The following BATF variants were observed in gnomAD, a reference collection of about 807,000 sequenced individuals.
The protein encoded by BATF is basic leucine zipper transcriptional factor ATF-like.
Under a neutral mutation model 13.7 loss-of-function variants are expected in BATF, and 5 were observed. That is an observed-to-expected ratio of 0.36 (90% confidence interval 0.19 to 0.77). The LOEUF is 0.77. BATF is among the 30% of genes least tolerant of loss of function. The pLI is 0.51. For missense variants in BATF, 124 were observed against 163.0 expected (o/e 0.76, Z 1.30); for synonymous variants, 72 against 67.5 (o/e 1.07, Z -0.33).
chr14:75,522,663 G>C lies in BATF; in HGVS notation c.-20G>C. The C allele has an allele frequency of 6.2e-7, 1 of 1,614,072 alleles. No individual in the cohort carries two copies. The highest frequency in any genetic ancestry group is 8.5e-7 in the Non-Finnish European group (1 of 1,180,004). The stretch of plus-strand genomic sequence containing the variant: ...CAGAGGTGCCTGGGGCTGAGTGTGA[G>C]AGCCCGGAAGATTTCAGCCATGCCT... On this transcript the variant is annotated 5_prime_UTR_variant, in exon 1 of 3. Transcript: ENST00000286639.
chr14:75,522,894 C>A, intron 1 of BATF, 149 bp downstream of exon 1: 2 of 898,484 alleles, frequency 2.2e-6, no homozygotes, highest in Non-Finnish European at 3.5e-6. Context: ...ATGGAATTTG[C>A]TACTAAGCTG....
intron 2 of BATF, among the ~76,000 whole-genome samples, chr14:75,533,417 G>C (rs948453933): frequency 1.4e-5 from 2 of 140,476 alleles, no homozygotes; most frequent in South Asian, 4.5e-4. Flanking sequence ...AACAGAGTGA[G>C]ACTCCGTCTC....
chr14:75,537,775 T>G (rs1185818595), intron 2 of BATF, among the ~76,000 whole-genome samples: 2 of 151,942 alleles, frequency 1.3e-5, no homozygotes, highest in Non-Finnish European at 2.9e-5. Context: ...TTAAATTTTT[T>G]AATATTATAC....
At chr14:75,526,754 C>T (rs1411539018) in intron 2 of BATF, among the ~76,000 whole-genome samples, 1 of 152,170 alleles carries the variant, frequency 6.6e-6, no homozygotes, top group African/African-American at 2.4e-5. Flanking sequence ...TGTATGTTCT[C>T]CATGATTTCA....
intron 2 of BATF, among the ~76,000 whole-genome samples, chr14:75,534,280 A>G (rs573992282): frequency 6.6e-6 from 1 of 152,348 alleles, no homozygotes; most frequent in South Asian, 2.1e-4. Context: ...AGAGGCAATG[A>G]ACAGAAAGCT....
chr14:75,541,394 C>T (rs1887893066), intron 2 of BATF, among the ~76,000 whole-genome samples: 1 of 152,224 alleles, frequency 6.6e-6, no homozygotes. Context: ...TTCCCATTTA[C>T]CGCTGATGGA....
At position 75,546,948 on chromosome 14, in the gene BATF, C is replaced by G. The variant is rs192716633; in HGVS notation, c.*277C>G. 2.0e-4 allele frequency: 142 copies of G among 703,368 alleles called. 1 individual carries two copies. The East Asian group carries it at 3.5e-3, about 18-fold the overall frequency. The allele number at this position is 703,368 out of a possible 1,614,324, so 43.6% of individuals were successfully genotyped here. ...TCAAGTCCCATGGCACAGAGCAAGG[C>G]GGGCAGGGAACGGTTATTTTTCTAA... On this transcript the variant is annotated 3_prime_UTR_variant, in exon 3 of 3. Transcript: ENST00000286639.
chr14:75,526,191 A>G (rs1368095834), intron 2 of BATF, among the ~76,000 whole-genome samples: 2 of 152,224 alleles, frequency 1.3e-5, no homozygotes, highest in Middle Eastern at 3.4e-3. Context: ...GCCCCTTATA[A>G]AGTACTGCTT....
chr14:75,536,686 G>C (rs1887822922), intron 2 of BATF, among the ~76,000 whole-genome samples: 1 of 147,542 alleles, frequency 6.8e-6, no homozygotes, highest in Non-Finnish European at 1.5e-5. Context: ...TAGCACCACT[G>C]CACTCCAGCC....
At chr14:75,539,077 T>A (rs969750375) in intron 2 of BATF, among the ~76,000 whole-genome samples, 1 of 152,164 alleles carries the variant, frequency 6.6e-6, no homozygotes, top group Non-Finnish European at 1.5e-5. Flanking sequence ...AGACCAGCCA[T>A]CAAATGAGGA....
At chr14:75,545,388 ATTTTTTTTTT>A (rs35791450) in intron 2 of BATF, among the ~76,000 whole-genome samples, 1 of 105,216 alleles carries the variant, frequency 9.5e-6, no homozygotes, top group Non-Finnish European at 1.8e-5. Context: ...CGCCTGGTTA[ATTTTTTTTTT>A]TTTTTTTTTT....
chr14:75,531,614 G>C (rs1887735209), intron 2 of BATF, among the ~76,000 whole-genome samples: 1 of 152,168 alleles, frequency 6.6e-6, no homozygotes, highest in Non-Finnish European at 1.5e-5. Flanking sequence ...TAAGAAAAAA[G>C]AGAGGTTTAC....
At chr14:75,536,438 T>C (rs776246301) in intron 2 of BATF, among the ~76,000 whole-genome samples, 1 of 151,994 alleles carries the variant, frequency 6.6e-6, no homozygotes, top group Non-Finnish European at 1.5e-5. Flanking sequence ...ATAATGGCAA[T>C]TGTAGGGCTG....
At chr14:75,524,046 G>A (rs148690395) in intron 1 of BATF, among the ~76,000 whole-genome samples, 1,939 of 152,324 alleles carry the variant, frequency 0.013, 10 homozygotes, top group Middle Eastern at 0.037. Flanking sequence ...ACATGTTGGT[G>A]AGCCCAGTAC....
intron 2 of BATF, among the ~76,000 whole-genome samples, chr14:75,537,111 G>A (rs1027824224): frequency 6.6e-6 from 1 of 152,096 alleles, no homozygotes; most frequent in African/African-American, 2.4e-5. Flanking sequence ...TTCACAACTA[G>A]GCAAGTCTCC....
intron 2 of BATF, among the ~76,000 whole-genome samples, chr14:75,532,588 A>C (rs1442506254): frequency 6.6e-6 from 1 of 152,262 alleles, no homozygotes; most frequent in Non-Finnish European, 1.5e-5. Flanking sequence ...AGTTTGAAGA[A>C]AAAATAATTT....
At position 75,546,992 on chromosome 14, in the gene BATF, A is replaced by G. The variant is rs1435412197; in HGVS notation, c.*321A>G. 1.4e-6 allele frequency: 1 copy of G among 702,370 alleles called. No homozygotes were observed. The highest frequency in any genetic ancestry group is 2.6e-6 in the Non-Finnish European group (1 of 384,876). 43.5% of individuals were successfully genotyped at this position (702,370 alleles called of 1,614,324 possible). On this transcript the variant is annotated 3_prime_UTR_variant, in exon 3 of 3. Coordinates refer to ENST00000286639, the MANE Select transcript of BATF (RefSeq NM_006399.5). ...TTTCTAAATAAATGCTTTAAAAGAA[A>G]CCAGTCTGACAAGGCAGTTTCTCTC...
chr14:75,524,051 C>T (rs1778566344), intron 1 of BATF, among the ~76,000 whole-genome samples: 1 of 152,112 alleles, frequency 6.6e-6, no homozygotes, highest in African/African-American at 2.4e-5. Context: ...TTGGTGAGCC[C>T]AGTACTTAGT....
chr14:75,526,264 G>T (rs1474500652), intron 2 of BATF, among the ~76,000 whole-genome samples: 5 of 152,138 alleles, frequency 3.3e-5, no homozygotes, highest in Non-Finnish European at 7.3e-5. Flanking sequence ...TATGGTTCTT[G>T]TTCAACCAAC....
Sources: gnomAD v4.1 joint callset for allele counts (sites outside exome capture counted in the v4.1 genomes callset) on GRCh38, gnomAD v4.1.1 for gene constraint, MANE v1.5 for transcripts, NCBI Gene and HGNC (gene_info 2026-07-23, HGNC 2026-07-21) for gene names.